The following INTS6 variants were observed in gnomAD, a reference collection of about 807,000 sequenced individuals.
INTS6 encodes DEAD box protein.
Under a neutral mutation model 104.9 loss-of-function variants are expected in INTS6, and 16 were observed. The observed-to-expected ratio is 0.15, with a 90% CI of 0.10 to 0.23. INTS6 has a LOEUF of 0.23. INTS6 is among the 10% of genes least tolerant of loss of function. The pLI, the probability that INTS6 is intolerant of heterozygous loss-of-function variation, is 1.00. For synonymous variants in INTS6, 324 were observed against 358.7 expected, an observed-to-expected ratio of 0.90 and a Z score of 1.09; for missense variants, 584 against 1,062.8, an observed-to-expected ratio of 0.55 and a Z score of 6.26.
At chr13:51,366,360 T>C (rs978804204) in intron 17 of INTS6, among the ~76,000 whole-genome samples, 2 of 151,972 alleles carry the variant, frequency 1.3e-5, no homozygotes, top group Non-Finnish European at 2.9e-5. Context: ...AGCTAGCAAA[T>C]CAAGGATAGA....
chr13:51,378,328 G>A lies in INTS6; in HGVS notation c.1513C>T (p.Leu505Phe). 6.2e-7 allele frequency: 1 copy of A among 1,613,472 alleles called. No individual in the cohort carries two copies. The highest frequency in any genetic ancestry group is 8.5e-7 in the Non-Finnish European group (1 of 1,179,492). Residue 505 changes from leucine (L) to phenylalanine (F), a missense_variant, in exon 12 of 18, where the codon CTC becomes TTC. Around this residue, in one of 5 missense-constraint regions of INTS6, gnomAD observed 74 missense variants for 64.4 expected, o/e 1.15. Coordinates refer to ENST00000311234, the MANE Select transcript of INTS6 (RefSeq NM_012141.3). ...MAYRKDFQQLLQGISEDVPHR... is the reference protein window; with the variant it reads ...MAYRKDFQQLFQGISEDVPHR... ...GGGACATCCTCTGAAATTCCCTGGA[G>A]GAGTTGTTGAAAATCTTTCCTATAT...
chr13:51,446,355 G>GA (rs1475266814), intron 3 of INTS6: 1 of 152,118 alleles, frequency 6.6e-6, no homozygotes, highest in Non-Finnish European at 1.5e-5. Flanking sequence ...ACCACAATGA[G>GA]ATACGACCTC....
At chr13:51,340,994 G>T in the INTS6 span, 14 of 1,404,274 alleles carry the variant, frequency 1.0e-5, no homozygotes, top group South Asian at 1.3e-5. Flanking sequence ...CAGAGCTGGG[G>T]GTCCCAGTCC....
intron 3 of INTS6, chr13:51,440,020 TGAGGTCAGGAGATCAG>T (rs1027695734): frequency 4.6e-5 from 7 of 152,356 alleles, no homozygotes; most frequent in Non-Finnish European, 4.4e-5. Context: ...GGGCGGATCA[TGAGGTCAGGAGATCAG>T]GAGGTCAGGA....
intron 4 of INTS6, among the ~76,000 whole-genome samples, chr13:51,423,514 C>T (rs1424571479): frequency 6.6e-6 from 1 of 152,070 alleles, no homozygotes; most frequent in Non-Finnish European, 1.5e-5. Flanking sequence ...CCTCTCTCCT[C>T]ATATATGGGG....
chr13:51,380,882 T>C (rs180673071), intron 10 of INTS6, among the ~76,000 whole-genome samples: 1 of 152,326 alleles, frequency 6.6e-6, no homozygotes, highest in East Asian at 1.9e-4. Flanking sequence ...ACAAAGTGTT[T>C]CTAGAGATTT....
In INTS6 at chr13:51,430,303, G is replaced by C; in HGVS notation, c.420C>G (p.Val140=). Residue 140 remains valine, a synonymous_variant, in exon 4 of 18, where the codon GTC becomes GTG. Coordinates refer to ENST00000311234, the MANE Select transcript of INTS6 (RefSeq NM_012141.3). ...DGSKLTTTSG[V]QDELHLPLNS... is the part of the protein sequence containing the mutation. Reference sequence around the variant, plus strand: ...TATAAGCACAACTTACCTCATCCTGGACTCCACTGGTGGTAGTCAACTTGC... The same window carrying C: ...TATAAGCACAACTTACCTCATCCTGCACTCCACTGGTGGTAGTCAACTTGC... 6.2e-7 allele frequency: 1 copy of C among 1,612,602 alleles called. No individual in the cohort carries two copies. Among genetic ancestry groups the C allele is most frequent in the Non-Finnish European group, 8.5e-7 (1 of 1,179,202 alleles).
At chr13:51,408,999 TA>T (rs1593722843) in intron 4 of INTS6, among the ~76,000 whole-genome samples, 1 of 152,152 alleles carries the variant, frequency 6.6e-6, no homozygotes, top group East Asian at 1.9e-4. Flanking sequence ...TTCCATATCA[TA>T]GCTCCATAGC....
At chr13:51,375,415 T>C (rs1032935037) in intron 13 of INTS6, among the ~76,000 whole-genome samples, 1 of 150,856 alleles carries the variant, frequency 6.6e-6, no homozygotes, top group Non-Finnish European at 1.5e-5. Flanking sequence ...TCTTCTGCGC[T>C]ATTCCAAATA....
the INTS6 span, chr13:51,341,154 C>T: frequency 5.6e-5 from 91 of 1,613,944 alleles, no homozygotes; most frequent in Non-Finnish European, 7.0e-5. Flanking sequence ...CAAATGGCCA[C>T]CTCCGTGAAG....
intron 3 of INTS6, among the ~76,000 whole-genome samples, chr13:51,432,082 C>T (rs1485737887): frequency 6.6e-6 from 1 of 152,100 alleles, no homozygotes; most frequent in Non-Finnish European, 1.5e-5. Flanking sequence ...CAAACCTACC[C>T]AACTGCCACT....
the INTS6 span, among the ~76,000 whole-genome samples, chr13:51,338,483 ATGG>A: frequency 6.6e-6 from 1 of 152,018 alleles, no homozygotes; most frequent in Non-Finnish European, 1.5e-5. Flanking sequence ...GGATGGATGG[ATGG>A]ATGCACGGAC....
At chr13:51,437,364 T>C (rs541990879) in intron 3 of INTS6, 2 of 152,134 alleles carry the variant, frequency 1.3e-5, no homozygotes, top group South Asian at 2.1e-4. Flanking sequence ...TTTTAAATAC[T>C]ATCACAAGCA....
At chr13:51,413,129 G>A (rs901389943) in intron 4 of INTS6, among the ~76,000 whole-genome samples, 4 of 152,156 alleles carry the variant, frequency 2.6e-5, no homozygotes, top group East Asian at 3.9e-4. Context: ...CAGAAAGGCA[G>A]TCAGACAGTA....
At chr13:51,430,830 C>T (rs928532574) in intron 3 of INTS6, among the ~76,000 whole-genome samples, 12 of 151,978 alleles carry the variant, frequency 7.9e-5, no homozygotes, top group Non-Finnish European at 5.9e-5. Flanking sequence ...TGCATGTAAT[C>T]GAAATGTCTA....
At chr13:51,360,319 T>C (rs1369282859), downstream of INTS6, among the ~76,000 whole-genome samples, 2 of 151,826 alleles carry the variant, frequency 1.3e-5, no homozygotes, top group Non-Finnish European at 2.9e-5. Flanking sequence ...AGTGTTTGAA[T>C]GGAGGAGAGG....
At chr13:51,406,093 C>T (rs1463944315) in intron 4 of INTS6, among the ~76,000 whole-genome samples, 1 of 152,074 alleles carries the variant, frequency 6.6e-6, no homozygotes, top group Non-Finnish European at 1.5e-5. Context: ...CATCCTCACC[C>T]CTAACCTAGA....
At chr13:51,439,582 T>C (rs61956954) in intron 3 of INTS6, 4 of 152,234 alleles carry the variant, frequency 2.6e-5, no homozygotes, top group Non-Finnish European at 5.9e-5. Flanking sequence ...AAAGGAATTA[T>C]ATATTTTACA....
At chr13:51,383,563 G>A (rs951656352) in intron 8 of INTS6, 26 bp downstream of exon 8, 1 of 1,605,590 alleles carries the variant, frequency 6.2e-7, no homozygotes. Flanking sequence ...TTAAATTTTG[G>A]GGTCACTGTA....
Sources: allele counts gnomAD v4.1 joint callset (sites outside exome capture counted in the v4.1 genomes callset), GRCh38; gene constraint gnomAD v4.1.1; regional missense constraint gnomAD v4.1.1; transcripts MANE v1.5; gene names NCBI Gene and HGNC (gene_info 2026-07-23, HGNC 2026-07-21).